The following KLHL14 variants were observed in gnomAD, a reference collection of about 807,000 sequenced individuals.
The protein encoded by KLHL14 is kelch-like protein 14.
Under a neutral mutation model 64.3 loss-of-function variants are expected in KLHL14, and 22 were observed. The ratio of observed to expected loss-of-function variants is 0.34; its 90% CI spans 0.24 to 0.49. The LOEUF is 0.49. KLHL14 is among the 20% of genes least tolerant of loss of function. The probability of loss-of-function intolerance (pLI) is 0.99; values close to 1 mark genes in which losing one functional copy is unlikely to be tolerated. For synonymous variants in KLHL14, 322 were observed against 333.4 expected (o/e 0.97, Z 0.37); for missense variants, 661 against 789.0 (o/e 0.84, Z 1.94).
At chr18:32,698,392 G>A (rs2049946891) in intron 3 of KLHL14, among the ~76,000 whole-genome samples, 1 of 152,104 alleles carries the variant, frequency 6.6e-6, no homozygotes, top group African/African-American at 2.4e-5. Flanking sequence ...AAGCTAATCA[G>A]GATGAAATGA....
At position 32,770,599 on chromosome 18, in the gene KLHL14, T is replaced by C. The variant is rs756193652; in HGVS notation, c.-8A>G. On this transcript the variant is annotated 5_prime_UTR_variant, in exon 2 of 9. Transcript: ENST00000359358. This position sits in a 1 kb window ranked among gnomAD's most constrained non-coding sequence, Gnocchi z 6.7. ...GTCCCCGGATCTGGACATGGCGAGCTGACTCGGTGCACCTGGCTTTAAACC... is the reference window on the plus strand; with the variant it reads ...GTCCCCGGATCTGGACATGGCGAGCCGACTCGGTGCACCTGGCTTTAAACC... 3 of 1,540,200 alleles carry C rather than the reference T, an allele frequency of 1.9e-6. No homozygotes were observed. The highest frequency in any genetic ancestry group is 2.6e-6 in the Non-Finnish European group (3 of 1,145,652).
rs775861925 is a variant in KLHL14 at position 32,683,214 on chromosome 18, C to A, written c.1239-2615G>T. ...TTTTCTAGCCAAGGCGTTCTTCATGCGACACTTCGTGTGTACTCCTAGCTT... is the reference window on the plus strand; with the variant it reads ...TTTTCTAGCCAAGGCGTTCTTCATGAGACACTTCGTGTGTACTCCTAGCTT... On this transcript the variant is annotated intron_variant, in intron 5 of 8. Coordinates refer to ENST00000359358, the MANE Select transcript of KLHL14 (RefSeq NM_020805.3). The surrounding 1 kb of genome is among the most constrained non-coding windows in gnomAD (Gnocchi z 4.2). 6.6e-6 allele frequency among the ~76,000 whole-genome samples: 1 copy of A among 152,080 alleles called. No homozygotes were observed. Among genetic ancestry groups the A allele is most frequent in the African/African-American group, 2.4e-5 (1 of 41,412 alleles).
chr18:32,727,559 C>T (rs1349113258), intron 3 of KLHL14, among the ~76,000 whole-genome samples: 1 of 152,128 alleles, frequency 6.6e-6, no homozygotes, highest in Non-Finnish European at 1.5e-5. Flanking sequence ...ATTACACATC[C>T]CCTTATCTGC....
chr18:32,674,647 T>C lies in KLHL14; in HGVS notation c.*10A>G. On this transcript the variant is annotated 3_prime_UTR_variant, in exon 9 of 9. Transcript: ENST00000359358. ...GAATGTGATACTGTTCATTCCAGAG[T>C]TTCCTGGTGTTATTTGTTGTATGGT... 1.3e-6 allele frequency: 1 copy of C among 780,086 alleles called. No individual in the cohort carries two copies. Among genetic ancestry groups the C allele is most frequent in the South Asian group, 1.3e-5 (1 of 74,518 alleles). The allele number at this position is 780,086 out of a possible 1,614,324, so 48.3% of individuals were successfully genotyped here. A position where few individuals can be genotyped will look rare whatever the true frequency, so the allele number is the denominator to read the frequency against.
intron 5 of KLHL14, among the ~76,000 whole-genome samples, chr18:32,682,533 G>A (rs1320879071): frequency 6.6e-6 from 1 of 152,078 alleles, no homozygotes; most frequent in Non-Finnish European, 1.5e-5. Flanking sequence ...TTTTTTGGAG[G>A]AAGCTTTTTA....
At chr18:32,676,474 A>T (rs2049811854) in intron 8 of KLHL14, among the ~76,000 whole-genome samples, 1 of 152,218 alleles carries the variant, frequency 6.6e-6, no homozygotes, top group Non-Finnish European at 1.5e-5. Flanking sequence ...AAATATTTGA[A>T]TATAAAAATG....
At chr18:32,684,001 G>T (rs1278996680) in intron 5 of KLHL14, among the ~76,000 whole-genome samples, 1 of 152,004 alleles carries the variant, frequency 6.6e-6, no homozygotes, top group Non-Finnish European at 1.5e-5. Context: ...TAGAGGCTTT[G>T]TTCTTAACGC....
intron 3 of KLHL14, among the ~76,000 whole-genome samples, chr18:32,726,646 A>T (rs1185705753): frequency 2.1e-5 from 3 of 139,890 alleles, no homozygotes; most frequent in Non-Finnish European, 4.4e-5. Flanking sequence ...AATAAATAAA[A>T]ATAAAATAAA....
chr18:32,687,303 A>G (rs771084875), intron 4 of KLHL14, 70 bp from the exon 5 acceptor site: 284 of 1,186,296 alleles, frequency 2.4e-4, no homozygotes, highest in Admixed American at 3.5e-4. Flanking sequence ...GTAGTGTTTT[A>G]TCAGACGTCT....
chr18:32,725,954 G>C (rs1460642738), intron 3 of KLHL14, among the ~76,000 whole-genome samples: 3 of 152,186 alleles, frequency 2.0e-5, no homozygotes, highest in African/African-American at 7.2e-5. Context: ...CAGTTGATGT[G>C]AGGATTAAAT....
At chr18:32,693,103 G>A (rs2049916361) in intron 4 of KLHL14, among the ~76,000 whole-genome samples, 1 of 152,152 alleles carries the variant, frequency 6.6e-6, no homozygotes, top group African/African-American at 2.4e-5. Flanking sequence ...GCTGCTCATG[G>A]TCACGGCGGC....
In KLHL14 at chr18:32,769,727, C is replaced by G. The variant is rs2050367464; in HGVS notation, c.865G>C (p.Val289Leu). 8.2e-6 allele frequency: 13 copies of G among 1,592,450 alleles called. No homozygotes were observed. In the South Asian group the frequency reaches 1.5e-4, roughly 18 times the overall value. ...QSVDFMRTDPVCQKLLLDAMN... is the reference protein window; with the variant it reads ...QSVDFMRTDPLCQKLLLDAMN... The stretch of plus-strand genomic sequence containing the variant: ...GCGTCCAGCAGCAGCTTCTGGCAGA[C>G]CGGGTCGGTTCGCATGAAATCCACT... The change falls in exon 2 of 9, where the codon GTC becomes CTC. Residue 289 changes from valine (V) to leucine (L), a missense_variant. Val to Leu is a conservative substitution (Grantham distance 32). This residue lies in a region of KLHL14 where 330 missense variants were observed against 450.0 expected (regional missense o/e 0.73). Transcript: ENST00000359358.
At chr18:32,734,346 G>A in intron 3 of KLHL14, 1 of 669,200 alleles carries the variant, frequency 1.5e-6, no homozygotes, top group Non-Finnish European at 2.7e-6. Flanking sequence ...TGTCAAGATG[G>A]AGCCCCCACA....
chr18:32,755,589 C>T (rs2050277797), intron 2 of KLHL14, among the ~76,000 whole-genome samples: 1 of 152,022 alleles, frequency 6.6e-6, no homozygotes, highest in African/African-American at 2.4e-5. Context: ...GTATTTTCTC[C>T]TATCTTTTAT....
intron 2 of KLHL14, among the ~76,000 whole-genome samples, chr18:32,766,963 A>G (rs1376283838): frequency 1.3e-5 from 2 of 152,066 alleles, no homozygotes; most frequent in Non-Finnish European, 2.9e-5. Flanking sequence ...AAGTTATTCT[A>G]TTTGCTTATA....
At position 32,687,061 on chromosome 18, in the gene KLHL14, C is replaced by T. The variant is rs778181850; in HGVS notation, c.1238+94G>A. The T allele has an allele frequency of 2.8e-4, 289 of 1,014,498 alleles. 2 individuals carry two copies. The highest frequency in any genetic ancestry group is 9.2e-5 in the South Asian group (7 of 75,986). 62.8% of individuals were successfully genotyped at this position (1,014,498 alleles called of 1,614,324 possible). A position where few individuals can be genotyped will look rare whatever the true frequency, so the allele number is the denominator to read the frequency against. ...TTGCCTCATATGTCTTTCATTGACT[C>T]TATTTAGCATTCCTTCTTACAAAAA... is the stretch of plus-strand genomic sequence containing the variant. On this transcript the variant is annotated intron_variant, in intron 5 of 8. Coordinates refer to ENST00000359358, the MANE Select transcript of KLHL14 (RefSeq NM_020805.3).
rs1471979339 is a variant in KLHL14 at position 32,770,840 on chromosome 18, G to C, written c.-43-206C>G. The C allele has an allele frequency of 2.1e-6, 1 of 485,254 alleles. No individual in the cohort carries two copies. Among genetic ancestry groups the C allele is most frequent in the African/African-American group, 2.0e-5 (1 of 49,856 alleles). The allele number at this position is 485,254 out of a possible 1,614,324, so 30.1% of individuals were successfully genotyped here. A position where few individuals can be genotyped will look rare whatever the true frequency, so the allele number is the denominator to read the frequency against. ...TGGATCCGTGAGCGCCACCAGAAGGGCCCTGTCTGGGGTCCCGGCGCCGGT... is the reference window on the plus strand; with the variant it reads ...TGGATCCGTGAGCGCCACCAGAAGGCCCCTGTCTGGGGTCCCGGCGCCGGT... On this transcript the variant is annotated intron_variant, in intron 1 of 8. Coordinates refer to ENST00000359358, the MANE Select transcript of KLHL14 (RefSeq NM_020805.3). This position sits in a 1 kb window ranked among gnomAD's most constrained non-coding sequence, Gnocchi z 6.7.
chr18:32,733,365 C>T (rs947618675), intron 3 of KLHL14, among the ~76,000 whole-genome samples: 4 of 142,422 alleles, frequency 2.8e-5, no homozygotes, highest in African/African-American at 1.1e-4. Context: ...GTGAGAGAGA[C>T]AGAGAGAGAG....
intron 2 of KLHL14, among the ~76,000 whole-genome samples, chr18:32,765,090 A>C (rs1343779456): frequency 6.6e-6 from 1 of 152,180 alleles, no homozygotes; most frequent in African/African-American, 2.4e-5. Context: ...ATCATGGAGC[A>C]ATGCTTAACT....
Sources: allele counts gnomAD v4.1 joint callset (sites outside exome capture counted in the v4.1 genomes callset), GRCh38; gene constraint gnomAD v4.1.1; regional missense constraint gnomAD v4.1.1; non-coding constraint Gnocchi (gnomAD v3.1); transcripts MANE v1.5; gene names NCBI Gene and HGNC (gene_info 2026-07-23, HGNC 2026-07-21).